The following WNT11 variants were observed in gnomAD, a reference collection of about 807,000 sequenced individuals.
The protein encoded by WNT11 is Wnt family member 11.
WNT11 carries 20 observed loss-of-function variants against 35.6 expected under a neutral mutation model. The observed-to-expected ratio is 0.56, with a 90% confidence interval of 0.40 to 0.82. The LOEUF is 0.82. WNT11 is among the 40% of genes least tolerant of loss of function. WNT11 has a pLI of 0.00. For missense variants in WNT11, 459 were observed against 504.4 expected, an observed-to-expected ratio of 0.91 and a Z score of 0.86; for synonymous variants, 200 against 211.9, an observed-to-expected ratio of 0.94 and a Z score of 0.49.
At chr11:76,195,569 C>T (rs892523242) in intron 2 of WNT11, among the ~76,000 whole-genome samples, 7 of 152,186 alleles carry the variant, frequency 4.6e-5, no homozygotes, top group African/African-American at 9.7e-5. Context: ...TTCAGACTTC[C>T]GGCCTCCAGA....
Position 76,186,856 on chromosome 11 carries a change from T to C in WNT11, c.*209A>G. ...GCCAAGTTATTTTTAATCTTGTCGGTTTCCTTTGATGTCCTGCCCTCCTTC... is the reference window on the plus strand; with the variant it reads ...GCCAAGTTATTTTTAATCTTGTCGGCTTCCTTTGATGTCCTGCCCTCCTTC... On this transcript the variant is annotated 3_prime_UTR_variant, in exon 5 of 5. Coordinates refer to ENST00000322563, the MANE Select transcript of WNT11 (RefSeq NM_004626.3). 2 of 751,238 alleles carry C rather than the reference T, an allele frequency of 2.7e-6. No homozygotes were observed. Among genetic ancestry groups the C allele is most frequent in the South Asian group, 2.9e-5 (2 of 67,838 alleles). 46.5% of individuals were successfully genotyped at this position (751,238 alleles called of 1,614,324 possible).
upstream of WNT11, chr11:76,210,629 C>T: frequency 5.1e-6 from 5 of 985,286 alleles, no homozygotes; most frequent in Non-Finnish European, 6.0e-6. Context: ...CGCCGGGGAT[C>T]CTGGCAAGCT....
At position 76,196,600 on chromosome 11, in the gene WNT11, T is replaced by A; in HGVS notation, c.202A>T (p.Thr68Ser). The change falls in exon 2 of 5, where the codon ACG (threonine) becomes TCG (serine). Residue 68 changes from threonine to serine, a missense_variant. Transcript: ENST00000322563. ...LCRSNLELMH[T>S]VVHAAREVMK... ...ACCTCGCGGGCGGCGTGCACCACCG[T>A]GTGCATGAGCTCCAGGTTGCTGCGG... is the stretch of plus-strand genomic sequence containing the variant. The A allele has an allele frequency of 6.2e-7, 1 of 1,613,638 alleles. No homozygotes were observed. The highest frequency in any genetic ancestry group is 8.5e-7 in the Non-Finnish European group (1 of 1,180,038).
At chr11:76,203,216 A>G (rs1953412035) in intron 1 of WNT11, among the ~76,000 whole-genome samples, 1 of 152,192 alleles carries the variant, frequency 6.6e-6, no homozygotes, top group Non-Finnish European at 1.5e-5. Flanking sequence ...TTCTACCTCT[A>G]TCTTAGAGCT....
In WNT11 at chr11:76,194,850, G is replaced by T. The variant is rs2134580211; in HGVS notation, c.320-6C>A. ...GAAGGCCGACTCCCGGGTCCCTGAGGGTGGGAGGGGAAGGTCAGCCGACGC... is the reference window on the plus strand; with the variant it reads ...GAAGGCCGACTCCCGGGTCCCTGAGTGTGGGAGGGGAAGGTCAGCCGACGC... On this transcript the variant is annotated splice_polypyrimidine_tract_variant and splice_region_variant and intron_variant, in intron 2 of 4. Coordinates refer to ENST00000322563, the MANE Select transcript of WNT11 (RefSeq NM_004626.3). The surrounding 1 kb of genome is among the most constrained non-coding windows in gnomAD (Gnocchi z 5.4). The T allele has an allele frequency of 6.7e-7, 1 of 1,495,692 alleles. No individual in the cohort carries two copies. Among genetic ancestry groups the T allele is most frequent in the East Asian group, 2.4e-5 (1 of 41,392 alleles). 92.7% of individuals were successfully genotyped at this position (1,495,692 alleles called of 1,614,324 possible). A position where few individuals can be genotyped will look rare whatever the true frequency, so the allele number is the denominator to read the frequency against.
At chr11:76,209,153 T>A (rs1012405724), upstream of WNT11, among the ~76,000 whole-genome samples, 8 of 152,126 alleles carry the variant, frequency 5.3e-5, no homozygotes, top group African/African-American at 1.9e-4. Context: ...GCCCGGCCCC[T>A]TGCTTGGGGC....
At chr11:76,199,616 A>T (rs747036634) in intron 1 of WNT11, among the ~76,000 whole-genome samples, 1 of 152,140 alleles carries the variant, frequency 6.6e-6, no homozygotes, top group Non-Finnish European at 1.5e-5. Context: ...CATTCTGGCC[A>T]ATATGGTGAA....
At chr11:76,203,829 C>T (rs1307866282) in intron 1 of WNT11, among the ~76,000 whole-genome samples, 1 of 152,238 alleles carries the variant, frequency 6.6e-6, no homozygotes, top group Non-Finnish European at 1.5e-5. Context: ...GGGTGAGTCC[C>T]CGGCTTTCCA....
At chr11:76,198,513 C>T (rs1331784919) in intron 1 of WNT11, among the ~76,000 whole-genome samples, 1 of 152,226 alleles carries the variant, frequency 6.6e-6, no homozygotes, top group Admixed American at 6.5e-5. Context: ...GTCTTGCCAC[C>T]ATGCCTTTGC....
At chr11:76,197,673 G>C (rs923584503) in intron 1 of WNT11, among the ~76,000 whole-genome samples, 1 of 152,106 alleles carries the variant, frequency 6.6e-6, no homozygotes, top group African/African-American at 2.4e-5. Flanking sequence ...CACCTCGTCC[G>C]TGCTTTGGGA....
upstream of WNT11, chr11:76,210,242 G>C (rs2947763): frequency 0.77 from 154,069 of 200,088 alleles, 59,691 homozygotes; most frequent in East Asian, 0.98. Flanking sequence ...CGTCCCGCGT[G>C]CCCCTAAACC....
chr11:76,206,487 C>G lies in WNT11; in HGVS notation c.-80G>C. On this transcript the variant is annotated 5_prime_UTR_variant, in exon 1 of 5. Coordinates refer to ENST00000322563, the MANE Select transcript of WNT11 (RefSeq NM_004626.3). The stretch of plus-strand genomic sequence containing the variant: ...CTCCGCCTGCACGGCCGCCGCTGGT[C>G]CTGCACGCCGCCTGCAGCCGGGGAG... 7.9e-7 allele frequency: 1 copy of G among 1,269,200 alleles called. No homozygotes were observed. The highest frequency in any genetic ancestry group is 9.9e-7 in the Non-Finnish European group (1 of 1,008,760). The allele number at this position is 1,269,200 out of a possible 1,614,324, so 78.6% of individuals were successfully genotyped here.
At chr11:76,197,446 C>G (rs1035244351) in intron 1 of WNT11, among the ~76,000 whole-genome samples, 7 of 152,190 alleles carry the variant, frequency 4.6e-5, no homozygotes, top group Non-Finnish European at 1.0e-4. Context: ...ACCGTATTTC[C>G]CAGAATGGGC....
intron 1 of WNT11, among the ~76,000 whole-genome samples, chr11:76,205,967 G>C (rs886334253): frequency 6.6e-6 from 1 of 152,268 alleles, no homozygotes; most frequent in Admixed American, 6.5e-5. Context: ...GAGACTGACG[G>C]ACAAGGACCG....
intron 1 of WNT11, among the ~76,000 whole-genome samples, chr11:76,201,375 C>A (rs140865202): frequency 6.6e-4 from 101 of 152,326 alleles, no homozygotes; most frequent in South Asian, 1.2e-3. Context: ...GAGGGCCATG[C>A]GGTCATCTGG....
intron 1 of WNT11, among the ~76,000 whole-genome samples, chr11:76,203,647 C>T (rs565637159): frequency 6.6e-6 from 1 of 152,270 alleles, no homozygotes; most frequent in Non-Finnish European, 1.5e-5. Flanking sequence ...CTATGGGCAG[C>T]CAGGTTCTGA....
At position 76,186,853 on chromosome 11, in the gene WNT11, C is replaced by T. The variant is rs931867225; in HGVS notation, c.*212G>A. ...GCTGCCAAGTTATTTTTAATCTTGT[C>T]GGTTTCCTTTGATGTCCTGCCCTCC... On this transcript the variant is annotated 3_prime_UTR_variant, in exon 5 of 5. Coordinates refer to ENST00000322563, the MANE Select transcript of WNT11 (RefSeq NM_004626.3). 6.8e-6 allele frequency: 5 copies of T among 740,066 alleles called. No homozygotes were observed. The highest frequency in any genetic ancestry group is 2.3e-4 in the Middle Eastern group (1 of 4,406). The allele number at this position is 740,066 out of a possible 1,614,324, so 45.8% of individuals were successfully genotyped here. A position where few individuals can be genotyped will look rare whatever the true frequency, so the allele number is the denominator to read the frequency against.
upstream of WNT11, among the ~76,000 whole-genome samples, chr11:76,209,875 G>T (rs557480379): frequency 2.0e-5 from 3 of 151,946 alleles, no homozygotes; most frequent in Middle Eastern, 3.4e-3. Context: ...CCTCGGGGCC[G>T]GGGACAGGAC....
upstream of WNT11, among the ~76,000 whole-genome samples, chr11:76,208,296 C>T (rs1429995716): frequency 2.0e-5 from 3 of 152,212 alleles, no homozygotes; most frequent in East Asian, 5.8e-4. Context: ...CACAGGAAGG[C>T]GAGGAGAAGC....
Sources: gnomAD v4.1 joint callset for allele counts (sites outside exome capture counted in the v4.1 genomes callset) on GRCh38, gnomAD v4.1.1 for gene constraint, Gnocchi (gnomAD v3.1) non-coding constraint, MANE v1.5 for transcripts, NCBI Gene and HGNC (gene_info 2026-07-23, HGNC 2026-07-21) for gene names.